CPQ: variants seen among roughly 807,000 people sequenced by gnomAD.
CPQ encodes the protein Ser-Met dipeptidase.
In CPQ, 37 loss-of-function variants were observed where a neutral mutation model predicts 45.7. The ratio of observed to expected loss-of-function variants is 0.81; its 90% CI spans 0.62 to 1.07. CPQ has a LOEUF of 1.07. CPQ is among the 50% of genes least tolerant of loss of function. The pLI, the probability that CPQ is intolerant of heterozygous loss-of-function variation, is 0.00. For synonymous variants in CPQ, 186 were observed against 205.8 expected, an observed-to-expected ratio of 0.90 and a Z score of 0.82; for missense variants, 537 against 572.9, an observed-to-expected ratio of 0.94 and a Z score of 0.64.
At chr8:96,904,973 C>G (rs1271131905) in intron 4 of CPQ, among the ~76,000 whole-genome samples, 1 of 152,104 alleles carries the variant, frequency 6.6e-6, no homozygotes, top group East Asian at 1.9e-4. Flanking sequence ...CTTTGAGGTC[C>G]TCAGTAGACA....
intron 4 of CPQ, among the ~76,000 whole-genome samples, chr8:96,896,052 A>AG (rs1188844518): frequency 6.6e-6 from 1 of 152,126 alleles, no homozygotes; most frequent in African/African-American, 2.4e-5. Flanking sequence ...TAAGACTCTA[A>AG]GAACCTTGAC....
chr8:97,016,188 T>C (rs1341139183), intron 5 of CPQ, among the ~76,000 whole-genome samples: 1 of 152,236 alleles, frequency 6.6e-6, no homozygotes, highest in Non-Finnish European at 1.5e-5. Flanking sequence ...CCATTACATA[T>C]TTATTTAATG....
chr8:97,107,578 C>T (rs1811424468), intron 7 of CPQ, among the ~76,000 whole-genome samples: 1 of 151,326 alleles, frequency 6.6e-6, no homozygotes, highest in African/African-American at 2.5e-5. Context: ...GGGCTAAGGA[C>T]CATGTGGGCA....
intron 1 of CPQ, among the ~76,000 whole-genome samples, chr8:96,696,791 A>C (rs1178710838): frequency 6.6e-6 from 1 of 152,196 alleles, no homozygotes; most frequent in Admixed American, 6.5e-5. Context: ...CATTCTAGAT[A>C]CAAACAACCA....
chr8:96,938,015 A>T (rs943051792), intron 4 of CPQ, among the ~76,000 whole-genome samples: 12 of 152,228 alleles, frequency 7.9e-5, no homozygotes, highest in Non-Finnish European at 2.9e-5. Flanking sequence ...TGCCCAAAAA[A>T]TTACATGACA....
chr8:96,922,491 G>T (rs1812822348), intron 4 of CPQ, among the ~76,000 whole-genome samples: 1 of 152,186 alleles, frequency 6.6e-6, no homozygotes, highest in South Asian at 2.1e-4. Context: ...AGAACAGACT[G>T]CTGTGAATTC....
At chr8:97,128,734 C>T (rs192452880) in intron 7 of CPQ, among the ~76,000 whole-genome samples, 193 of 152,226 alleles carry the variant, frequency 1.3e-3, no homozygotes, top group African/African-American at 4.4e-3. Context: ...GCTTATTTTA[C>T]GAACATAGTT....
Position 96,957,811 on chromosome 8 carries a change from A to C in CPQ, c.850-8124A>C, listed in dbSNP as rs552488882. Among the ~76,000 whole-genome samples the C allele has an allele frequency of 7.4e-4, 112 of 151,978 alleles. 1 individual carries two copies. Among genetic ancestry groups the C allele is most frequent in the South Asian group, 4.2e-3 (20 of 4,798 alleles). On this transcript the variant is annotated intron_variant, in intron 4 of 7. Coordinates refer to ENST00000220763, the MANE Select transcript of CPQ (RefSeq NM_016134.4). ...GAAACTGTGTCTCAAAAAAACAAAA[A>C]AAAAAAAGTCTGTAGGGTACCAAAT...
intron 7 of CPQ, among the ~76,000 whole-genome samples, chr8:97,088,846 C>T (rs1352703783): frequency 6.6e-6 from 1 of 152,098 alleles, no homozygotes; most frequent in Admixed American, 6.6e-5. Context: ...TTAAAACTAC[C>T]ACATATACAG....
intron 4 of CPQ, among the ~76,000 whole-genome samples, chr8:96,892,250 C>G (rs1343054140): frequency 6.6e-6 from 1 of 152,182 alleles, no homozygotes; most frequent in African/African-American, 2.4e-5. Flanking sequence ...TAAACCAAAC[C>G]TGATTGGCCT....
At chr8:97,005,142 T>C (rs960309783) in intron 5 of CPQ, among the ~76,000 whole-genome samples, 4 of 151,580 alleles carry the variant, frequency 2.6e-5, no homozygotes, top group Non-Finnish European at 5.9e-5. Context: ...AGTGTGGTGG[T>C]GTGATCTCGG....
intron 2 of CPQ, among the ~76,000 whole-genome samples, chr8:96,818,850 A>T (rs1181854237): frequency 2.6e-5 from 4 of 152,058 alleles, no homozygotes; most frequent in African/African-American, 9.7e-5. Context: ...TCCTCATCAA[A>T]TCCTTCTTTC....
chr8:96,775,339 A>G (rs980681009), intron 1 of CPQ, among the ~76,000 whole-genome samples: 1 of 152,156 alleles, frequency 6.6e-6, no homozygotes, highest in Non-Finnish European at 1.5e-5. Flanking sequence ...ACTGTAATAT[A>G]AAGGAACAAT....
intron 5 of CPQ, among the ~76,000 whole-genome samples, chr8:96,989,954 C>T (rs927834839): frequency 2.0e-5 from 3 of 152,080 alleles, no homozygotes; most frequent in Non-Finnish European, 4.4e-5. Flanking sequence ...TGACTTGTGG[C>T]CCAGGGCTCT....
chr8:96,924,389 T>C (rs1415777175), intron 4 of CPQ, among the ~76,000 whole-genome samples: 1 of 152,218 alleles, frequency 6.6e-6, no homozygotes, highest in African/African-American at 2.4e-5. Context: ...CTCTACAACC[T>C]CTTTTCAGCA....
At position 97,060,025 on chromosome 8, in the gene CPQ, G is replaced by A. The variant is rs955624237; in HGVS notation, c.1054-5984G>A. On this transcript the variant is annotated intron_variant, in intron 6 of 7. Transcript: ENST00000220763. ...CATGTTGAGAAACATGAGAAAATACGTTTATTTCATTTATTTTTCCATGGT... is the reference window on the plus strand; with the variant it reads ...CATGTTGAGAAACATGAGAAAATACATTTATTTCATTTATTTTTCCATGGT... Among the ~76,000 whole-genome samples, 7 of 151,944 alleles carry A rather than the reference G, an allele frequency of 4.6e-5. No individual in the cohort carries two copies. The East Asian group carries it at 5.8e-4, about 13-fold the overall frequency.
At chr8:96,747,218 G>A (rs1285237179) in intron 1 of CPQ, among the ~76,000 whole-genome samples, 1 of 151,482 alleles carries the variant, frequency 6.6e-6, no homozygotes, top group African/African-American at 2.4e-5. Context: ...TTGAACCCAG[G>A]AGGTGGAGGT....
At chr8:96,924,582 C>T (rs976203492) in intron 4 of CPQ, among the ~76,000 whole-genome samples, 9 of 152,276 alleles carry the variant, frequency 5.9e-5, no homozygotes, top group Middle Eastern at 3.4e-3. Flanking sequence ...CTTCTAAAGG[C>T]TAATGCAGTT....
intron 7 of CPQ, among the ~76,000 whole-genome samples, chr8:97,102,674 T>G (rs1428898258): frequency 6.6e-6 from 1 of 152,086 alleles, no homozygotes; most frequent in African/African-American, 2.4e-5. Context: ...AAAATGAGAT[T>G]AAAAACAGTG....
Sources: allele counts gnomAD v4.1 joint callset (sites outside exome capture counted in the v4.1 genomes callset), GRCh38; gene constraint gnomAD v4.1.1; transcripts MANE v1.5; gene names NCBI Gene and HGNC (gene_info 2026-07-23, HGNC 2026-07-21).